GNAS-AS1: variants seen among roughly 807,000 people sequenced by gnomAD.
GNAS-AS1 encodes GNAS antisense RNA 1.
At chr20:58,850,295 T>C (rs1019618890) in intron 1 of GNAS-AS1, among the ~76,000 whole-genome samples, 2 of 152,328 alleles carry the variant, frequency 1.3e-5, no homozygotes, top group East Asian at 3.9e-4. Flanking sequence ...TTTGTCTAAC[T>C]TGTTAAATTT....
At chr20:58,846,311 T>C (rs1372106136) in intron 2 of GNAS-AS1, among the ~76,000 whole-genome samples, 1 of 152,068 alleles carries the variant, frequency 6.6e-6, no homozygotes, top group Non-Finnish European at 1.5e-5. Flanking sequence ...TAGAACCAGG[T>C]GCATCAAGGG....
chr20:58,836,735 G>A (rs1408909502), intron 4 of GNAS-AS1, among the ~76,000 whole-genome samples: 8 of 152,138 alleles, frequency 5.3e-5, no homozygotes, highest in South Asian at 2.1e-4. Flanking sequence ...CCATTTGCTC[G>A]ACCTCGGCAC....
rs529984308 is a variant in GNAS-AS1, at chr20:58,819,756, C to T, written n.820-501G>A. Among the ~76,000 whole-genome samples the T allele has an allele frequency of 5.3e-5, 8 of 152,282 alleles. No individual in the cohort carries two copies. The South Asian group carries it at 1.7e-3, about 32-fold the overall frequency. On this transcript the variant is annotated intron_variant and non_coding_transcript_variant, in intron 4 of 4. Coordinates refer to ENST00000424094, the Ensembl canonical transcript of GNAS-AS1. The stretch of plus-strand genomic sequence containing the variant: ...CAAGGAATGGGAACCCAAGCAGAAA[C>T]CAGGCAACCAACCAGGATTGTTTCC...
At chr20:58,824,716 CA>C (rs2085508504) in intron 4 of GNAS-AS1, among the ~76,000 whole-genome samples, 1 of 152,178 alleles carries the variant, frequency 6.6e-6, no homozygotes, top group African/African-American at 2.4e-5. Flanking sequence ...CAGAAGAAAC[CA>C]AATGCAGAAG....
exon 3 of GNAS-AS1, chr20:58,842,528 A>C: frequency 2.5e-6 from 1 of 398,612 alleles, no homozygotes. Flanking sequence ...CTGTGGTTGG[A>C]TGCTTTTGTG....
At chr20:58,820,418 C>CCAAGG (rs1489245651) in intron 4 of GNAS-AS1, among the ~76,000 whole-genome samples, 4 of 152,346 alleles carry the variant, frequency 2.6e-5, no homozygotes, top group African/African-American at 9.6e-5. Context: ...AGGGAGCTCT[C>CCAAGG]CAAGGGTGCC....
intron 4 of GNAS-AS1, chr20:58,834,203 G>A (rs536053976): frequency 6.6e-6 from 1 of 152,280 alleles, no homozygotes; most frequent in Non-Finnish European, 1.5e-5. Context: ...CTAGGGGCTA[G>A]AGGAAAGATA....
chr20:58,839,435 C>T, intron 4 of GNAS-AS1: 2 of 400,142 alleles, frequency 5.0e-6, no homozygotes, highest in Non-Finnish European at 8.8e-6. Context: ...GTGTTTATTT[C>T]CCCAATAACT....
rs147123433 is a variant in GNAS-AS1, at chr20:58,841,039, G to A, written n.819+898C>T. Reference sequence around the variant, plus strand: ...GGATCGGGGGTCAGGGTGAGGCGGCGAGGGCTCCCCCAAACTTCCCAGGAT... The same window carrying A: ...GGATCGGGGGTCAGGGTGAGGCGGCAAGGGCTCCCCCAAACTTCCCAGGAT... On this transcript the variant is annotated intron_variant and non_coding_transcript_variant, in intron 4 of 4. Transcript: ENST00000424094. The surrounding 1 kb of genome is among the most constrained non-coding windows in gnomAD (Gnocchi z 5.0). Among the ~76,000 whole-genome samples the A allele has an allele frequency of 1.6e-3, 247 of 152,176 alleles. 2 individuals carry two copies. The highest frequency in any genetic ancestry group is 6.8e-3 in the Middle Eastern group (2 of 294).
At chr20:58,830,518 A>G (rs1244881765) in intron 4 of GNAS-AS1, among the ~76,000 whole-genome samples, 6 of 55,106 alleles carry the variant, frequency 1.1e-4, no homozygotes, top group Non-Finnish European at 2.1e-4. Flanking sequence ...CATCATCACC[A>G]CCACACCACC....
At chr20:58,846,694 G>A (rs1029854732) in intron 2 of GNAS-AS1, among the ~76,000 whole-genome samples, 5 of 152,204 alleles carry the variant, frequency 3.3e-5, no homozygotes, top group Middle Eastern at 3.2e-3. Flanking sequence ...TCAACCCCAT[G>A]TGAGAGCTGG....
chr20:58,839,780 C>T, intron 4 of GNAS-AS1: 1 of 569,748 alleles, frequency 1.8e-6, no homozygotes, highest in African/African-American at 1.9e-5. Context: ...GCAAGAGGAC[C>T]GGCGGAGGCA....
chr20:58,832,405 G>T (rs1043157304), intron 4 of GNAS-AS1, among the ~76,000 whole-genome samples: 1 of 152,130 alleles, frequency 6.6e-6, no homozygotes, highest in Non-Finnish European at 1.5e-5. Flanking sequence ...TAAATTGAAC[G>T]CCATTCCAGT....
At chr20:58,850,398 G>C (rs1265640394) in intron 1 of GNAS-AS1, 7 of 397,312 alleles carry the variant, frequency 1.8e-5, no homozygotes, top group Admixed American at 1.8e-4. Context: ...TGAGGGTGTC[G>C]AACAGAGACC....
intron 4 of GNAS-AS1, among the ~76,000 whole-genome samples, chr20:58,829,646 G>A (rs73129529): frequency 6.6e-6 from 1 of 152,128 alleles, no homozygotes; most frequent in African/African-American, 2.4e-5. Context: ...CCTCAACTTG[G>A]AACTGCACCA....
intron 2 of GNAS-AS1, among the ~76,000 whole-genome samples, chr20:58,843,640 T>C (rs1397904637): frequency 6.6e-6 from 1 of 152,174 alleles, no homozygotes; most frequent in Non-Finnish European, 1.5e-5. Flanking sequence ...ATATTTCAAA[T>C]GGAGGGTGAG....
At chr20:58,837,530 C>A (rs2085611739) in intron 4 of GNAS-AS1, among the ~76,000 whole-genome samples, 1 of 152,234 alleles carries the variant, frequency 6.6e-6, no homozygotes, top group South Asian at 2.1e-4. Flanking sequence ...ATCAGACTAA[C>A]CTCCCAGGTT....
At position 58,840,114 on chromosome 20, in the gene GNAS-AS1, G is replaced by A. The variant is rs139302910; in HGVS notation, n.819+1823C>T. On this transcript the variant is annotated intron_variant and non_coding_transcript_variant, in intron 4 of 4. Coordinates refer to ENST00000424094, the Ensembl canonical transcript of GNAS-AS1. This position sits in a 1 kb window ranked among gnomAD's most constrained non-coding sequence, Gnocchi z 6.0. ...CGGTGTGTGCCTAAGAGGATGGATC[G>A]GAGGTCCCGGGCTCAGCAGTGGCGC... 3.1e-6 allele frequency: 5 copies of A among 1,610,966 alleles called. No individual in the cohort carries two copies. The highest frequency in any genetic ancestry group is 1.3e-5 in the African/African-American group (1 of 74,908).
chr20:58,827,593 G>A (rs2085529647), intron 4 of GNAS-AS1, among the ~76,000 whole-genome samples: 1 of 152,256 alleles, frequency 6.6e-6, no homozygotes, highest in Non-Finnish European at 1.5e-5. Flanking sequence ...CGACAGGGAT[G>A]TGACTGCTGA....
Sources: allele counts gnomAD v4.1 joint callset (sites outside exome capture counted in the v4.1 genomes callset), GRCh38; gene constraint gnomAD v4.1.1; non-coding constraint Gnocchi (gnomAD v3.1); transcripts MANE v1.5; gene names NCBI Gene and HGNC (gene_info 2026-07-23, HGNC 2026-07-21).